Variants in CHP1 observed in about 807,000 individuals in gnomAD.
The protein encoded by CHP1 is calcineurin B homologous protein 1.
CHP1 carries 11 observed loss-of-function variants against 27.4 expected under a neutral mutation model. The observed-to-expected ratio is 0.40, with a 90% CI of 0.25 to 0.67. The LOEUF (loss-of-function observed/expected upper bound fraction) is 0.67. CHP1 is among the 30% of genes least tolerant of loss of function. The pLI is 0.38. For missense variants in CHP1, 169 were observed against 251.3 expected, an observed-to-expected ratio of 0.67 and a Z score of 2.22; for synonymous variants, 89 against 87.4, an observed-to-expected ratio of 1.02 and a Z score of -0.10.
At chr15:41,263,817 A>G (rs28615543) in intron 4 of CHP1, among the ~76,000 whole-genome samples, 76,641 of 152,030 alleles carry the variant, frequency 0.5, 21,492 homozygotes, top group African/African-American at 0.76. Flanking sequence ...TGAGGCTGCA[A>G]TGAACCTTGA....
chr15:41,269,426 T>C (rs145228433), intron 4 of CHP1, among the ~76,000 whole-genome samples: 72 of 152,330 alleles, frequency 4.7e-4, no homozygotes, highest in African/African-American at 1.4e-3. Context: ...TATTAATCCA[T>C]GTTCTTATGC....
intron 5 of CHP1, among the ~76,000 whole-genome samples, chr15:41,276,892 G>A (rs1349732797): frequency 6.6e-6 from 1 of 152,194 alleles, no homozygotes; most frequent in Non-Finnish European, 1.5e-5. Flanking sequence ...CCAGGAACCA[G>A]GCTTATTCTG....
At chr15:41,265,997 CTGT>C (rs1394568961) in intron 4 of CHP1, among the ~76,000 whole-genome samples, 105 of 151,948 alleles carry the variant, frequency 6.9e-4, no homozygotes, top group Middle Eastern at 3.4e-3. Context: ...ATAATGCTTT[CTGT>C]AGGCCAGGCG....
intron 1 of CHP1, 70 bp from the exon 2 acceptor site, chr15:41,243,597 C>T (rs1253429799): frequency 1.6e-6 from 2 of 1,227,786 alleles, no homozygotes; most frequent in African/African-American, 1.5e-5. Context: ...AAGCATTTGA[C>T]AGCGAGGGGT....
intron 5 of CHP1, among the ~76,000 whole-genome samples, chr15:41,272,832 A>G (rs911378158): frequency 6.6e-6 from 1 of 152,000 alleles, no homozygotes; most frequent in Non-Finnish European, 1.5e-5. Context: ...GTGGATCCCG[A>G]GGTCAGGAGA....
At chr15:41,237,623 T>G (rs1224487086) in intron 1 of CHP1, among the ~76,000 whole-genome samples, 1 of 152,248 alleles carries the variant, frequency 6.6e-6, no homozygotes, top group African/African-American at 2.4e-5. Context: ...GCTTCAACTT[T>G]CCTTTATCTA....
chr15:41,248,820 C>A (rs938549730), intron 2 of CHP1, among the ~76,000 whole-genome samples: 3 of 152,162 alleles, frequency 2.0e-5, no homozygotes, highest in Non-Finnish European at 4.4e-5. Context: ...CCAATTGTAC[C>A]ACATAATGTG....
intron 2 of CHP1, 57 bp from the exon 3 acceptor site, chr15:41,256,853 A>G: frequency 7.1e-7 from 1 of 1,409,558 alleles, no homozygotes; most frequent in African/African-American, 1.4e-5. Context: ...TCCTGACTTA[A>G]GGAGTTCATG....
chr15:41,238,178 G>A (rs1437612289), intron 1 of CHP1, among the ~76,000 whole-genome samples: 1 of 150,858 alleles, frequency 6.6e-6, no homozygotes, highest in East Asian at 1.9e-4. Flanking sequence ...TTTTTTTTGA[G>A]ACAGGGTCTC....
chr15:41,238,817 A>G (rs755351208), intron 1 of CHP1, among the ~76,000 whole-genome samples: 32 of 152,154 alleles, frequency 2.1e-4, no homozygotes, highest in Middle Eastern at 3.4e-3. Flanking sequence ...GCGCCACTGC[A>G]CTCCATCCTG....
At chr15:41,252,927 G>GTTT (rs144891496) in intron 2 of CHP1, among the ~76,000 whole-genome samples, 2 of 65,790 alleles carry the variant, frequency 3.0e-5, no homozygotes, top group Non-Finnish European at 5.3e-5. Flanking sequence ...ATTTCACATG[G>GTTT]TTTTTTTTTT....
intron 4 of CHP1, among the ~76,000 whole-genome samples, chr15:41,266,156 G>A (rs929174523): frequency 3.3e-5 from 5 of 152,072 alleles, no homozygotes; most frequent in African/African-American, 7.2e-5. Flanking sequence ...GGTGGTGCAT[G>A]CCTGTAATTC....
chr15:41,235,574 G>A (rs1223176539), intron 1 of CHP1, among the ~76,000 whole-genome samples: 1 of 152,092 alleles, frequency 6.6e-6, no homozygotes, highest in Non-Finnish European at 1.5e-5. Flanking sequence ...AACAATTCAT[G>A]CCATTCAAGT....
intron 4 of CHP1, among the ~76,000 whole-genome samples, chr15:41,267,803 ACATGCCTGTAT>A (rs1301870888): frequency 1.3e-5 from 2 of 151,920 alleles, no homozygotes; most frequent in African/African-American, 4.8e-5. Context: ...GCATGGTGGC[ACATGCCTGTAT>A]TCCTAGCTGC....
chr15:41,244,275 T>G (rs532178932), intron 2 of CHP1, among the ~76,000 whole-genome samples: 1 of 152,154 alleles, frequency 6.6e-6, no homozygotes, highest in South Asian at 2.1e-4. Flanking sequence ...CAACTCCCCT[T>G]AATTTAGGTG....
intron 2 of CHP1, among the ~76,000 whole-genome samples, chr15:41,245,533 A>G (rs138429468): frequency 3.1e-4 from 47 of 152,342 alleles, no homozygotes; most frequent in African/African-American, 1.1e-3. Context: ...AGGTTCATCC[A>G]TGATGTAGCA....
chr15:41,272,124 TA>T (rs1261842043), intron 5 of CHP1: 1 of 152,232 alleles, frequency 6.6e-6, no homozygotes, highest in Non-Finnish European at 1.5e-5. Flanking sequence ...GTACATATGT[TA>T]AACCTTATCC....
chr15:41,265,461 G>A (rs2047455441), intron 4 of CHP1, among the ~76,000 whole-genome samples: 1 of 147,462 alleles, frequency 6.8e-6, no homozygotes, highest in African/African-American at 2.5e-5. Flanking sequence ...TGTAATCCCA[G>A]CACTTTGGGA....
Position 41,279,023 on chromosome 15 carries a change from T to C in CHP1, c.534+134T>C, listed in dbSNP as rs564832579. The C allele has an allele frequency of 4.3e-4, 478 of 1,124,534 alleles. 1 individual carries two copies. The highest frequency in any genetic ancestry group is 2.2e-3 in the Admixed American group (91 of 41,448). The allele number at this position is 1,124,534 out of a possible 1,614,324, so 69.7% of individuals were successfully genotyped here. ...GTCAGGAGTTCAAGACCAGCCTGGC[T>C]AACATGGTGAAACCTCATCTGTACT... On this transcript the variant is annotated intron_variant, in intron 6 of 6. Coordinates refer to ENST00000334660, the MANE Select transcript of CHP1 (RefSeq NM_007236.5).
Sources: allele counts gnomAD v4.1 joint callset (sites outside exome capture counted in the v4.1 genomes callset), GRCh38; gene constraint gnomAD v4.1.1; transcripts MANE v1.5; gene names NCBI Gene and HGNC (gene_info 2026-07-23, HGNC 2026-07-21).